TNKS: variants seen among roughly 807,000 people sequenced by gnomAD.
TNKS encodes the protein poly [ADP-ribose] polymerase tankyrase-1.
In TNKS, 72 loss-of-function variants were observed where a neutral mutation model predicts 135.8. That is an observed-to-expected ratio of 0.53 (90% CI 0.44 to 0.64). The LOEUF is 0.64. Ranked by LOEUF, TNKS falls within the 30% of genes least tolerant of loss-of-function variation. The probability of loss-of-function intolerance (pLI) is 0.00; values close to 1 mark genes in which losing one functional copy is unlikely to be tolerated. For synonymous variants in TNKS, 849 were observed against 649.3 expected (o/e 1.31, Z -4.68); for missense variants, 1,769 against 1,674.0 (o/e 1.06, Z -0.99).
chr8:9,614,129 C>A (rs1039689824), intron 2 of TNKS, among the ~76,000 whole-genome samples: 3 of 152,258 alleles, frequency 2.0e-5, no homozygotes, highest in Middle Eastern at 6.8e-3. Context: ...TAAGCCAAAT[C>A]TTCACGTTAG....
chr8:9,597,122 C>T (rs1366621234), intron 2 of TNKS, among the ~76,000 whole-genome samples: 1 of 152,236 alleles, frequency 6.6e-6, no homozygotes, highest in East Asian at 1.9e-4. Context: ...CTTGGCTTTA[C>T]AATTAAGTAT....
chr8:9,753,300 C>T (rs1287721604), intron 20 of TNKS, among the ~76,000 whole-genome samples: 2 of 152,128 alleles, frequency 1.3e-5, no homozygotes, highest in Non-Finnish European at 2.9e-5. Context: ...GAAGCAGTTG[C>T]CCATTAATTT....
intron 22 of TNKS, 88 bp downstream of exon 22, chr8:9,763,332 C>A: frequency 1.2e-6 from 1 of 815,932 alleles, no homozygotes; most frequent in Non-Finnish European, 1.9e-6. Flanking sequence ...CTTACATTGC[C>A]TTGCGGTCAC....
At chr8:9,751,147 C>T (rs755718114) in intron 18 of TNKS, among the ~76,000 whole-genome samples, 10 of 152,160 alleles carry the variant, frequency 6.6e-5, no homozygotes, top group Non-Finnish European at 1.2e-4. Flanking sequence ...CTATCTCCCG[C>T]ATACTCGAAA....
chr8:9,743,727 A>C (rs1437316492), intron 17 of TNKS, among the ~76,000 whole-genome samples: 1 of 152,218 alleles, frequency 6.6e-6, no homozygotes, highest in Non-Finnish European at 1.5e-5. Context: ...ATTTCTACCA[A>C]AAAATACATA....
At chr8:9,579,501 C>T (rs1274515128) in intron 1 of TNKS, among the ~76,000 whole-genome samples, 1 of 152,102 alleles carries the variant, frequency 6.6e-6, no homozygotes, top group Non-Finnish European at 1.5e-5. Flanking sequence ...AGGAGTCTCG[C>T]ACTATTGCCC....
In TNKS at chr8:9,776,997, T is replaced by G; in HGVS notation, c.*261T>G. ...CTCATTTTCATTGCAATTATCCATTTCTAAAACAAGATTGCTTCGATCTAG... is the reference window on the plus strand; with the variant it reads ...CTCATTTTCATTGCAATTATCCATTGCTAAAACAAGATTGCTTCGATCTAG... On this transcript the variant is annotated 3_prime_UTR_variant, in exon 27 of 27. Transcript: ENST00000310430. 2.3e-6 allele frequency: 1 copy of G among 438,512 alleles called. No individual in the cohort carries two copies. 27.2% of individuals were successfully genotyped at this position (438,512 alleles called of 1,614,324 possible).
chr8:9,655,370 T>C (rs1429304769), intron 3 of TNKS, among the ~76,000 whole-genome samples: 2 of 152,218 alleles, frequency 1.3e-5, no homozygotes, highest in African/African-American at 4.8e-5. Context: ...TAAATGTCCC[T>C]GTCTGACAGC....
intron 2 of TNKS, among the ~76,000 whole-genome samples, chr8:9,608,031 C>G (rs1310112064): frequency 1.3e-5 from 2 of 152,182 alleles, no homozygotes; most frequent in African/African-American, 4.8e-5. Context: ...CCTTCACCTC[C>G]TGAGGCTCAA....
Position 9,580,469 on chromosome 8 carries a change from G to A in TNKS, c.898+86G>A, listed in dbSNP as rs111552553. The stretch of plus-strand genomic sequence containing the variant: ...GTACAAATAGTGTTTCCTGAGAATA[G>A]GTAAGGAAGGGTTTATTGCTTCTTG... On this transcript the variant is annotated intron_variant, in intron 2 of 26. Coordinates refer to ENST00000310430, the MANE Select transcript of TNKS (RefSeq NM_003747.3). 70 of 1,170,152 alleles carry A rather than the reference G, an allele frequency of 6.0e-5. 1 individual carries two copies. In the East Asian group the frequency reaches 7.9e-4, roughly 13 times the overall value. 72.5% of individuals were successfully genotyped at this position (1,170,152 alleles called of 1,614,324 possible).
At chr8:9,633,366 T>A (rs1266619368) in intron 3 of TNKS, among the ~76,000 whole-genome samples, 1 of 152,222 alleles carries the variant, frequency 6.6e-6, no homozygotes, top group Non-Finnish European at 1.5e-5. Context: ...AAATACACAA[T>A]AGAGTATTTT....
At chr8:9,650,028 G>C (rs913843791) in intron 3 of TNKS, among the ~76,000 whole-genome samples, 3 of 151,644 alleles carry the variant, frequency 2.0e-5, no homozygotes, top group Non-Finnish European at 2.9e-5. Flanking sequence ...AAGTAGCTGG[G>C]ATTACAGGCA....
chr8:9,666,561 A>C (rs1801998937), intron 3 of TNKS, among the ~76,000 whole-genome samples: 2 of 152,122 alleles, frequency 1.3e-5, no homozygotes. Context: ...CTCTACTAAA[A>C]ATACAAAAAT....
In TNKS at chr8:9,644,451, T is replaced by C. The variant is rs1008744511; in HGVS notation, c.994+28774T>C. ...TGATATTTGCATGCTGCTACTTGCT[T>C]GAACCTATATTTTCACTACTTCATT... On this transcript the variant is annotated intron_variant, in intron 3 of 26. Coordinates refer to ENST00000310430, the MANE Select transcript of TNKS (RefSeq NM_003747.3). Among the ~76,000 whole-genome samples the C allele has an allele frequency of 3.3e-5, 5 of 152,354 alleles. No homozygotes were observed. In the East Asian group the frequency reaches 7.7e-4, roughly 23 times the overall value.
At chr8:9,658,946 T>A (rs1801561551) in intron 3 of TNKS, among the ~76,000 whole-genome samples, 1 of 152,166 alleles carries the variant, frequency 6.6e-6, no homozygotes, top group South Asian at 2.1e-4. Context: ...TAGTCTTGGA[T>A]AAAACAGACT....
At chr8:9,606,382 G>C (rs1799221948) in intron 2 of TNKS, among the ~76,000 whole-genome samples, 1 of 151,918 alleles carries the variant, frequency 6.6e-6, no homozygotes, top group African/African-American at 2.4e-5. Flanking sequence ...AAAGTAGCTA[G>C]TTTAACTTGC....
intron 17 of TNKS, among the ~76,000 whole-genome samples, chr8:9,747,012 A>T (rs1447098638): frequency 6.7e-6 from 1 of 150,204 alleles, no homozygotes; most frequent in Admixed American, 6.7e-5. Flanking sequence ...CCTCCCGAGT[A>T]GCTTGGATTA....
intron 1 of TNKS, among the ~76,000 whole-genome samples, chr8:9,560,725 C>A (rs759366960): frequency 1.3e-5 from 2 of 151,632 alleles, no homozygotes; most frequent in Non-Finnish European, 2.9e-5. Flanking sequence ...TAAGAAGGGT[C>A]TAATTTGGTA....
intron 2 of TNKS, among the ~76,000 whole-genome samples, chr8:9,599,704 A>G (rs974413740): frequency 6.6e-6 from 1 of 152,188 alleles, no homozygotes; most frequent in African/African-American, 2.4e-5. Context: ...TGCAAAAAGG[A>G]TAAAATTGAT....
Sources: allele counts gnomAD v4.1 joint callset (sites outside exome capture counted in the v4.1 genomes callset), GRCh38; gene constraint gnomAD v4.1.1; transcripts MANE v1.5; gene names NCBI Gene and HGNC (gene_info 2026-07-23, HGNC 2026-07-21).